The following TAF4 variants were observed in gnomAD, a reference collection of about 807,000 sequenced individuals.
TAF4 encodes the protein transcription initiation factor TFIID subunit 4.
A neutral mutation model predicts 90.3 loss-of-function variants in TAF4; 9 were observed. The ratio of observed to expected loss-of-function variants is 0.10; its 90% CI spans 0.06 to 0.17. The LOEUF is 0.17. TAF4 is among the 10% of genes least tolerant of loss of function. The pLI, the probability that TAF4 is intolerant of heterozygous loss-of-function variation, is 1.00. For missense variants in TAF4, 1,351 were observed against 1,370.7 expected (o/e 0.99, Z 0.23); for synonymous variants, 818 against 638.9 (o/e 1.28, Z -4.23).
At chr20:62,056,968 A>T (rs1039753961) in intron 1 of TAF4, among the ~76,000 whole-genome samples, 1 of 152,168 alleles carries the variant, frequency 6.6e-6, no homozygotes, top group African/African-American at 2.4e-5. Flanking sequence ...AAAGCTCCAA[A>T]GCAAGGCAGG....
intron 1 of TAF4, among the ~76,000 whole-genome samples, chr20:62,050,239 G>A (rs2056018921): frequency 6.6e-6 from 1 of 152,168 alleles, no homozygotes; most frequent in Non-Finnish European, 1.5e-5. Context: ...TCCCCCACAT[G>A]ACCTATCCTC....
chr20:62,019,909 T>C (rs536388104), intron 1 of TAF4, among the ~76,000 whole-genome samples: 4 of 152,210 alleles, frequency 2.6e-5, no homozygotes, highest in Non-Finnish European at 5.9e-5. Flanking sequence ...GGGAAATGCC[T>C]TTGCCGGGTG....
At chr20:62,053,692 C>T (rs79717657) in intron 1 of TAF4, among the ~76,000 whole-genome samples, 4,571 of 152,320 alleles carry the variant, frequency 0.03, 238 homozygotes, top group African/African-American at 0.1. Context: ...AACTCATCCC[C>T]CTGGCCCACC....
In TAF4 at chr20:61,999,664, C is replaced by A. The variant is rs147929959; in HGVS notation, c.2787+460G>T. On this transcript the variant is annotated intron_variant, in intron 11 of 14. Coordinates refer to ENST00000252996, the MANE Select transcript of TAF4 (RefSeq NM_003185.4). ...GCAGGTGCCTTCCAAAAGGTAAACC[C>A]GCCAGGCATAGAGGCTCATGCCTGT... Among the ~76,000 whole-genome samples the A allele has an allele frequency of 3.3e-4, 50 of 152,270 alleles. No individual in the cohort carries two copies. In the East Asian group the frequency reaches 9.1e-3, roughly 28 times the overall value.
chr20:62,055,220 C>T (rs1008592084), intron 1 of TAF4, among the ~76,000 whole-genome samples: 11 of 148,460 alleles, frequency 7.4e-5, no homozygotes, highest in African/African-American at 9.9e-5. Context: ...ACGCTGCCTG[C>T]GGGCAGTCCT....
At position 62,064,809 on chromosome 20, in the gene TAF4, C is replaced by A. The variant is rs762689390; in HGVS notation, c.1002G>T (p.Ala334=). ...GVSGQPGPGA[A]AAAPAPGVKA... Reference sequence around the variant, plus strand: ...TGACCCCCGGCGCCGGCGCCGCAGCCGCCGCGCCGGGCCCGGGTTGGCCGC... The same window carrying A: ...TGACCCCCGGCGCCGGCGCCGCAGCAGCCGCGCCGGGCCCGGGTTGGCCGC... The change falls in exon 1 of 15, where the codon GCG becomes GCT. Residue 334 remains alanine, a synonymous_variant. Coordinates refer to ENST00000252996, the MANE Select transcript of TAF4 (RefSeq NM_003185.4). The A allele has an allele frequency of 1.0e-6, 1 of 989,874 alleles. No individual in the cohort carries two copies. Among genetic ancestry groups the A allele is most frequent in the Admixed American group, 6.2e-5 (1 of 16,126 alleles). 61.3% of individuals were successfully genotyped at this position (989,874 alleles called of 1,614,324 possible). A position where few individuals can be genotyped will look rare whatever the true frequency, so the allele number is the denominator to read the frequency against.
intron 14 of TAF4, among the ~76,000 whole-genome samples, chr20:61,978,766 C>CAAAA (rs1191127547): frequency 4.0e-4 from 61 of 152,330 alleles, no homozygotes; most frequent in Non-Finnish European, 6.6e-4. Flanking sequence ...GAGGCCACCC[C>CAAAA]CAGGGCCCAG....
At chr20:62,056,939 G>A (rs945242377) in intron 1 of TAF4, among the ~76,000 whole-genome samples, 3 of 152,166 alleles carry the variant, frequency 2.0e-5, no homozygotes, top group Non-Finnish European at 4.4e-5. Context: ...TTCTGACACT[G>A]ACATTCGTAA....
intron 14 of TAF4, among the ~76,000 whole-genome samples, 175 bp from the exon 15 acceptor site, chr20:61,976,510 G>C (rs2055495758): frequency 6.6e-6 from 1 of 152,244 alleles, no homozygotes; most frequent in Non-Finnish European, 1.5e-5. Flanking sequence ...TGCCAGGGCA[G>C]GGGCAAGGGC....
intron 1 of TAF4, among the ~76,000 whole-genome samples, chr20:62,039,085 C>G (rs1300620364): frequency 2.0e-5 from 3 of 151,978 alleles, no homozygotes. Flanking sequence ...ATCAAGGTAT[C>G]AAGAGGCTTT....
At chr20:61,993,537 C>T (rs1203091002) in intron 14 of TAF4, among the ~76,000 whole-genome samples, 1 of 152,170 alleles carries the variant, frequency 6.6e-6, no homozygotes, top group African/African-American at 2.4e-5. Flanking sequence ...TTCTGGTTTC[C>T]TTTTAAGTCA....
At chr20:62,011,069 G>A (rs541799633) in intron 3 of TAF4, among the ~76,000 whole-genome samples, 33 of 152,174 alleles carry the variant, frequency 2.2e-4, no homozygotes, top group Non-Finnish European at 4.1e-4. Context: ...GTGCAGCCCC[G>A]CCAGCACGTG....
At chr20:62,056,231 T>C (rs1236909275) in intron 1 of TAF4, among the ~76,000 whole-genome samples, 2 of 151,752 alleles carry the variant, frequency 1.3e-5, no homozygotes, top group African/African-American at 4.8e-5. Context: ...AGTGAGACTC[T>C]GTCTCGAAAA....
rs775555039 is a variant in TAF4, at chr20:61,976,331, G to A, written c.3095C>T (p.Ser1032Leu). ...CPGPGSGAEG[S>L]GPGSVVPGSS... ...GCCTGGGACCACTGAGCCGGGGCCCGACCCCTGGTGATGAAAAAGGAGAAG... is the reference window on the plus strand; with the variant it reads ...GCCTGGGACCACTGAGCCGGGGCCCAACCCCTGGTGATGAAAAAGGAGAAG... The change falls in exon 15 of 15, where the codon TCG (serine) becomes TTG (leucine). Residue 1032 changes from serine to leucine, a missense_variant. By Grantham distance (145) the Ser-to-Leu change is moderately radical. Around this residue, in one of 9 missense-constraint regions of TAF4, gnomAD observed 48 missense variants for 50.6 expected, o/e 0.95. Coordinates refer to ENST00000252996, the MANE Select transcript of TAF4 (RefSeq NM_003185.4). 36 of 1,613,000 alleles carry A rather than the reference G, an allele frequency of 2.2e-5. No homozygotes were observed. The highest frequency in any genetic ancestry group is 1.1e-4 in the East Asian group (5 of 44,886).
chr20:61,982,227 C>T (rs2055550631), intron 14 of TAF4, among the ~76,000 whole-genome samples: 1 of 7,832 alleles, frequency 1.3e-4, no homozygotes, highest in African/African-American at 4.5e-4. Flanking sequence ...AACCCACACC[C>T]ACTGAGAGGA....
intron 1 of TAF4, among the ~76,000 whole-genome samples, chr20:62,047,965 A>G (rs1369422874): frequency 6.6e-6 from 1 of 152,082 alleles, no homozygotes; most frequent in Non-Finnish European, 1.5e-5. Context: ...ACCGCCCCAC[A>G]TCAGGGCCAT....
intron 1 of TAF4, among the ~76,000 whole-genome samples, chr20:62,033,911 A>G (rs1449791225): frequency 1.3e-5 from 2 of 151,584 alleles, no homozygotes; most frequent in Admixed American, 6.6e-5. Context: ...GCATGGTGGC[A>G]GGCGCCTGTA....
At position 62,065,104 on chromosome 20, in the gene TAF4, G is replaced by A. The variant is rs1291077643; in HGVS notation, c.707C>T (p.Thr236Ile). Residue 236 changes from threonine to isoleucine, a missense_variant, in exon 1 of 15, where the codon ACT (threonine) becomes ATT (isoleucine). Thr to Ile is a moderately conservative substitution (Grantham distance 89, BLOSUM62 -1). This residue lies in a region of TAF4 where 782 missense variants were observed against 536.6 expected (regional missense o/e 1.46). Transcript: ENST00000252996. The part of the protein sequence containing the change: ...LPLPKPAAPG[T>I]VIQTPPFVGA... ...CACGAAGGGGGGCGTCTGGATGACA[G>A]TGCCGGGGGCGGCGGGCTTGGGCAG... 25 of 1,103,494 alleles carry A rather than the reference G, an allele frequency of 2.3e-5. No individual in the cohort carries two copies. The highest frequency in any genetic ancestry group is 2.7e-5 in the Non-Finnish European group (24 of 891,980). The allele number at this position is 1,103,494 out of a possible 1,614,324, so 68.4% of individuals were successfully genotyped here. A position where few individuals can be genotyped will look rare whatever the true frequency, so the allele number is the denominator to read the frequency against.
chr20:61,977,688 C>T (rs1044128727), intron 14 of TAF4, among the ~76,000 whole-genome samples: 6 of 152,194 alleles, frequency 3.9e-5, no homozygotes, highest in Non-Finnish European at 7.3e-5. Context: ...TTCAGACCTG[C>T]CCGGGGTCCC....
Sources: allele counts gnomAD v4.1 joint callset (sites outside exome capture counted in the v4.1 genomes callset), GRCh38; gene constraint gnomAD v4.1.1; regional missense constraint gnomAD v4.1.1; transcripts MANE v1.5; gene names NCBI Gene and HGNC (gene_info 2026-07-23, HGNC 2026-07-21).